ARHGAP44: variants seen among roughly 807,000 people sequenced by gnomAD.
ARHGAP44 encodes Rho GTPase activating protein 44, also known as rho GTPase-activating protein 44.
ARHGAP44 carries 43 observed loss-of-function variants against 106.8 expected under a neutral mutation model. The ratio of observed to expected loss-of-function variants is 0.40; its 90% CI spans 0.32 to 0.52. The LOEUF is 0.52. Among genes scored for constraint, ARHGAP44 ranks in the 20% least tolerant of loss-of-function variants. ARHGAP44 has a pLI of 0.48. For missense variants in ARHGAP44, 866 were observed against 1,050.5 expected (o/e 0.82, Z 2.43); for synonymous variants, 439 against 410.3 (o/e 1.07, Z -0.85).
chr17:12,925,355 C>A (rs1208923802), intron 6 of ARHGAP44, among the ~76,000 whole-genome samples: 2 of 152,116 alleles, frequency 1.3e-5, no homozygotes, highest in African/African-American at 4.8e-5. Flanking sequence ...CCTGGCAGTC[C>A]CCTTTTTGAC....
chr17:12,864,045 A>G (rs773740038), intron 1 of ARHGAP44, among the ~76,000 whole-genome samples: 13 of 152,134 alleles, frequency 8.5e-5, no homozygotes, highest in Non-Finnish European at 1.8e-4. Context: ...CTGAGCATCC[A>G]TGTCACCTAC....
chr17:12,964,594 A>C (rs545754890), intron 16 of ARHGAP44, among the ~76,000 whole-genome samples: 6 of 152,196 alleles, frequency 3.9e-5, no homozygotes, highest in South Asian at 2.1e-4. Flanking sequence ...CAGTCTGGCC[A>C]ACATGGTGAA....
intron 5 of ARHGAP44, among the ~76,000 whole-genome samples, chr17:12,916,391 GT>G (rs936459032): frequency 2.7e-5 from 4 of 148,718 alleles, no homozygotes; most frequent in Non-Finnish European, 3.0e-5. Flanking sequence ...GCAGTTTTAT[GT>G]TTTTTTTTTG....
At chr17:12,808,400 G>A (rs2034340696) in intron 1 of ARHGAP44, among the ~76,000 whole-genome samples, 1 of 152,238 alleles carries the variant, frequency 6.6e-6, no homozygotes, top group East Asian at 1.9e-4. Flanking sequence ...TGTCACTGCA[G>A]CAGACTTCTG....
intron 18 of ARHGAP44, among the ~76,000 whole-genome samples, chr17:12,975,520 C>G (rs12601449): frequency 6.6e-5 from 10 of 151,772 alleles, no homozygotes; most frequent in Non-Finnish European, 1.5e-4. Context: ...AAAAGATGGC[C>G]GGGCACGGTG....
chr17:12,824,226 G>A (rs996815032), intron 1 of ARHGAP44, among the ~76,000 whole-genome samples: 10 of 152,104 alleles, frequency 6.6e-5, no homozygotes, highest in Non-Finnish European at 5.9e-5. Context: ...CCTTCTTTGA[G>A]CTGCACATGG....
intron 7 of ARHGAP44, 78 bp from the exon 8 acceptor site, chr17:12,940,978 C>T (rs1046392361): frequency 2.0e-5 from 25 of 1,248,932 alleles, no homozygotes; most frequent in East Asian, 1.2e-4. Context: ...CTCTTTCTCA[C>T]GTGATGTGTT....
intron 1 of ARHGAP44, among the ~76,000 whole-genome samples, chr17:12,875,065 T>A (rs1385403833): frequency 6.6e-6 from 1 of 152,072 alleles, no homozygotes; most frequent in Non-Finnish European, 1.5e-5. Flanking sequence ...TGGATTTTAC[T>A]CCACACACCA....
intron 20 of ARHGAP44, 104 bp from the exon 21 acceptor site, chr17:12,989,927 AT>A: frequency 6.7e-7 from 1 of 1,487,048 alleles, no homozygotes. Context: ...TATCCCTAGA[AT>A]AGCAGCACCC....
chr17:12,821,972 A>G (rs2034784874), intron 1 of ARHGAP44, among the ~76,000 whole-genome samples: 1 of 152,210 alleles, frequency 6.6e-6, no homozygotes, highest in Non-Finnish European at 1.5e-5. Flanking sequence ...AAAGACCTAT[A>G]GTCCTAGTGT....
intron 1 of ARHGAP44, among the ~76,000 whole-genome samples, chr17:12,850,704 G>A (rs959331177): frequency 6.6e-6 from 1 of 152,144 alleles, no homozygotes; most frequent in Non-Finnish European, 1.5e-5. Context: ...ATTGATCCTC[G>A]TCTACCTGGG....
At chr17:12,912,557 G>A (rs568896679) in intron 4 of ARHGAP44, among the ~76,000 whole-genome samples, 9 of 152,224 alleles carry the variant, frequency 5.9e-5, no homozygotes, top group African/African-American at 1.7e-4. Flanking sequence ...GAGGACATGA[G>A]TTTCTATACT....
chr17:12,948,352 C>T (rs1598101894), intron 10 of ARHGAP44, among the ~76,000 whole-genome samples: 2 of 152,172 alleles, frequency 1.3e-5, no homozygotes, highest in Non-Finnish European at 2.9e-5. Context: ...TGCCCTTCCC[C>T]TGAAGGCATA....
At chr17:12,871,866 C>T (rs895628191) in intron 1 of ARHGAP44, among the ~76,000 whole-genome samples, 1 of 152,138 alleles carries the variant, frequency 6.6e-6, no homozygotes, top group African/African-American at 2.4e-5. Context: ...TTGTAAGTTT[C>T]CTGAAGCCTC....
chr17:12,794,859 G>A (rs898808433), intron 1 of ARHGAP44, among the ~76,000 whole-genome samples: 3 of 152,178 alleles, frequency 2.0e-5, no homozygotes, highest in African/African-American at 7.2e-5. Context: ...GCCTCTAGGA[G>A]CACTGGTGCT....
chr17:12,956,076 C>G, intron 14 of ARHGAP44, 96 bp downstream of exon 14: 4 of 816,016 alleles, frequency 4.9e-6, no homozygotes, highest in Non-Finnish European at 8.0e-6. Context: ...TGAGCACCAG[C>G]CTCATGTATT....
At position 12,841,624 on chromosome 17, in the gene ARHGAP44, ACACACACACACAC is replaced by A. The variant is rs1567642314; in HGVS notation, c.53+51734_53+51746del. 4.0e-4 allele frequency among the ~76,000 whole-genome samples: 57 copies of A among 144,224 alleles called. 1 individual carries two copies. Among genetic ancestry groups the A allele is most frequent in the African/African-American group, 9.0e-4 (32 of 35,614 alleles). The allele number at this position is 144,224 out of a possible 152,430, so 94.6% of individuals were successfully genotyped here. ...CACACACACACACACACACACACAC[ACACACACACACAC>A]ACAAACAAACAAACAAAAACCACAC... On this transcript the variant is annotated intron_variant, in intron 1 of 20. Coordinates refer to ENST00000379672, the MANE Select transcript of ARHGAP44 (RefSeq NM_014859.6).
chr17:12,985,129 C>T, intron 20 of ARHGAP44: 1 of 577,220 alleles, frequency 1.7e-6, no homozygotes, highest in East Asian at 3.0e-5. Flanking sequence ...TGGGATCTCT[C>T]TCGGTCTAAG....
chr17:12,947,332 T>C (rs1355082375), intron 10 of ARHGAP44, among the ~76,000 whole-genome samples: 1 of 152,110 alleles, frequency 6.6e-6, no homozygotes. Flanking sequence ...CCTCGAAACT[T>C]CTAGTTCCTT....
Sources: gnomAD v4.1 joint callset for allele counts (sites outside exome capture counted in the v4.1 genomes callset) on GRCh38, gnomAD v4.1.1 for gene constraint, MANE v1.5 for transcripts, NCBI Gene and HGNC (gene_info 2026-07-23, HGNC 2026-07-21) for gene names.